LDLRAD4: variants seen among roughly 807,000 people sequenced by gnomAD.
LDLRAD4 encodes the protein low-density lipoprotein receptor class A domain-containing protein 4.
Under a neutral mutation model 17.0 loss-of-function variants are expected in LDLRAD4, and 5 were observed. The ratio of observed to expected loss-of-function variants is 0.29; its 90% CI spans 0.15 to 0.62. The LOEUF (loss-of-function observed/expected upper bound fraction) is 0.62, where lower values mean the gene tolerates loss of function less well. Among genes scored for constraint, LDLRAD4 ranks in the 20% least tolerant of loss-of-function variants. LDLRAD4 has a pLI of 0.84. For synonymous variants in LDLRAD4, 168 were observed against 171.8 expected (o/e 0.98, Z 0.17); for missense variants, 340 against 424.7 (o/e 0.80, Z 1.75).
At chr18:13,433,277 G>T (rs1386149911) in intron 2 of LDLRAD4, among the ~76,000 whole-genome samples, 2 of 152,192 alleles carry the variant, frequency 1.3e-5, no homozygotes, top group African/African-American at 4.8e-5. Flanking sequence ...TTTAATGTCA[G>T]AAATGATGGA....
intron 1 of LDLRAD4, among the ~76,000 whole-genome samples, chr18:13,306,145 G>A (rs1253001595): frequency 6.6e-6 from 1 of 152,048 alleles, no homozygotes; most frequent in East Asian, 1.9e-4. Flanking sequence ...GGTCTATTCT[G>A]GAAAAAAAAG....
chr18:13,219,703 T>G (rs1254536522), intron 1 of LDLRAD4, among the ~76,000 whole-genome samples: 1 of 152,192 alleles, frequency 6.6e-6, no homozygotes, highest in East Asian at 1.9e-4. Flanking sequence ...CTCGAAGGGC[T>G]AGTGCTGGGA....
At chr18:13,265,816 C>T (rs1014732922) in intron 1 of LDLRAD4, among the ~76,000 whole-genome samples, 16 of 152,224 alleles carry the variant, frequency 1.1e-4, no homozygotes, top group African/African-American at 3.9e-4. Context: ...TGGGACTCCA[C>T]TCTGCTGCAC....
Position 13,531,446 on chromosome 18 carries a change from A to T in LDLRAD4, c.182-89671A>T, listed in dbSNP as rs202188381. Among the ~76,000 whole-genome samples, 6 of 8,286 alleles carry T rather than the reference A, an allele frequency of 7.2e-4. No homozygotes were observed. The Non-Finnish European group carries it at 0.062, about 86-fold the overall frequency. 5.4% of individuals were successfully genotyped at this position (8,286 alleles called of 152,430 possible). The stretch of plus-strand genomic sequence containing the variant: ...GCAACATAGTGAGACCCCATATCTA[A>T]AAAAAAAAAAAAAAATAGGTAGCCT... On this transcript the variant is annotated intron_variant, in intron 3 of 5. Coordinates refer to ENST00000359446, the Ensembl canonical transcript of LDLRAD4.
intron 3 of LDLRAD4, among the ~76,000 whole-genome samples, chr18:13,576,220 C>A (rs9947691): frequency 0.023 from 3,574 of 152,088 alleles, 137 homozygotes; most frequent in African/African-American, 0.081. Context: ...TCAGGAGATC[C>A]AGACCATCCT....
chr18:13,282,235 C>T (rs576645603), intron 1 of LDLRAD4, among the ~76,000 whole-genome samples: 1 of 152,252 alleles, frequency 6.6e-6, no homozygotes, highest in East Asian at 1.9e-4. Context: ...CTGCCCCTGA[C>T]CCCTCCAAAT....
chr18:13,413,637 A>G (rs925331249), intron 2 of LDLRAD4, among the ~76,000 whole-genome samples: 35 of 152,366 alleles, frequency 2.3e-4, no homozygotes, highest in African/African-American at 8.4e-4. Context: ...ACGTCTGGGA[A>G]TTCTATTCAA....
chr18:13,642,947 T>C (rs2042722526), intron 4 of LDLRAD4, among the ~76,000 whole-genome samples: 1 of 150,344 alleles, frequency 6.7e-6, no homozygotes, highest in East Asian at 2.0e-4. Flanking sequence ...TTTTCTTCTG[T>C]TTTTTTGATA....
chr18:13,367,575 G>A lies in LDLRAD4; in HGVS notation c.-382-19766G>A, dbSNP rs1054230291. On this transcript the variant is annotated intron_variant, in intron 1 of 5. Coordinates refer to ENST00000359446, the Ensembl canonical transcript of LDLRAD4. The surrounding 1 kb of genome is among the most constrained non-coding windows in gnomAD (Gnocchi z 4.1). ...CAAGGCGGCTGTGGCAGTGCCAAGC[G>A]AGTGGACAGAGGGTCTGCAGGCCAC... Among the ~76,000 whole-genome samples, 4 of 152,340 alleles carry A rather than the reference G, an allele frequency of 2.6e-5. No homozygotes were observed. Among genetic ancestry groups the A allele is most frequent in the East Asian group, 3.9e-4 (2 of 5,176 alleles).
chr18:13,295,679 G>A (rs1421367465), intron 1 of LDLRAD4, among the ~76,000 whole-genome samples: 1 of 152,246 alleles, frequency 6.6e-6, no homozygotes, highest in African/African-American at 2.4e-5. Flanking sequence ...AAGTAACTTT[G>A]TGTGGTTTTT....
chr18:13,601,571 A>G (rs540137094), intron 3 of LDLRAD4, among the ~76,000 whole-genome samples: 3 of 151,466 alleles, frequency 2.0e-5, no homozygotes, highest in East Asian at 3.9e-4. Flanking sequence ...GGAGAATGGC[A>G]TGAACCCGGG....
chr18:13,531,479 A>G (rs1336290225), intron 3 of LDLRAD4, among the ~76,000 whole-genome samples: 12 of 149,698 alleles, frequency 8.0e-5, no homozygotes, highest in Admixed American at 7.3e-4. Flanking sequence ...CCTCCCAGCT[A>G]CTCAGGAGGC....
At chr18:13,557,994 A>G (rs1211564725) in intron 3 of LDLRAD4, among the ~76,000 whole-genome samples, 1 of 152,240 alleles carries the variant, frequency 6.6e-6, no homozygotes, top group East Asian at 1.9e-4. Context: ...CCACATATTG[A>G]AATATAATGA....
At chr18:13,610,364 G>A (rs2039428682) in intron 3 of LDLRAD4, among the ~76,000 whole-genome samples, 1 of 132,868 alleles carries the variant, frequency 7.5e-6, no homozygotes, top group Middle Eastern at 4.5e-3. Flanking sequence ...CTTGGCTCAT[G>A]GCAACTTCTA....
At chr18:13,640,550 C>T (rs1017580098) in intron 4 of LDLRAD4, among the ~76,000 whole-genome samples, 1 of 152,186 alleles carries the variant, frequency 6.6e-6, no homozygotes, top group Non-Finnish European at 1.5e-5. Context: ...CAGGGCAGAA[C>T]ACCTTTTTCC....
At chr18:13,350,342 A>G (rs187857302) in intron 1 of LDLRAD4, among the ~76,000 whole-genome samples, 179 of 152,298 alleles carry the variant, frequency 1.2e-3, no homozygotes, top group African/African-American at 4.2e-3. Flanking sequence ...GTGAGATGGT[A>G]TCTCATTATG....
intron 3 of LDLRAD4, among the ~76,000 whole-genome samples, chr18:13,538,850 C>T (rs1362497305): frequency 6.6e-6 from 1 of 152,140 alleles, no homozygotes; most frequent in Non-Finnish European, 1.5e-5. Context: ...GGGAATAAGC[C>T]TTCCTCAGGG....
intron 1 of LDLRAD4, among the ~76,000 whole-genome samples, chr18:13,232,638 A>G (rs1266099065): frequency 6.6e-6 from 1 of 152,198 alleles, no homozygotes; most frequent in East Asian, 1.9e-4. Flanking sequence ...CAGCTCAGCT[A>G]TTCACTGTTG....
intron 3 of LDLRAD4, among the ~76,000 whole-genome samples, chr18:13,536,954 T>C (rs1408601336): frequency 6.6e-6 from 1 of 152,214 alleles, no homozygotes; most frequent in Non-Finnish European, 1.5e-5. Flanking sequence ...AAACCAACCT[T>C]ACATGTTTGG....
Sources: allele counts gnomAD v4.1 joint callset (sites outside exome capture counted in the v4.1 genomes callset), GRCh38; gene constraint gnomAD v4.1.1; non-coding constraint Gnocchi (gnomAD v3.1); transcripts MANE v1.5; gene names NCBI Gene and HGNC (gene_info 2026-07-23, HGNC 2026-07-21).